Variants in CDH2 observed in about 807,000 individuals in gnomAD.
The protein encoded by CDH2 is cadherin 2, also known as cadherin-2.
Under a neutral mutation model 92.0 loss-of-function variants are expected in CDH2, and 17 were observed. That is an observed-to-expected ratio of 0.18 (90% confidence interval 0.13 to 0.28). The LOEUF is 0.28. Among genes scored for constraint, CDH2 ranks in the 10% least tolerant of loss-of-function variants. The probability of loss-of-function intolerance (pLI) is 1.00; values close to 1 mark genes in which losing one functional copy is unlikely to be tolerated. For synonymous variants in CDH2, 419 were observed against 415.9 expected (o/e 1.01, Z -0.09); for missense variants, 862 against 1,133.1 (o/e 0.76, Z 3.44).
chr18:28,078,231 C>T (rs2014762021), intron 2 of CDH2, among the ~76,000 whole-genome samples: 1 of 152,106 alleles, frequency 6.6e-6, no homozygotes, highest in Non-Finnish European at 1.5e-5. Flanking sequence ...GGTTAACTGA[C>T]AGGATCCTCC....
In CDH2 at chr18:27,982,778, G is replaced by GA. The variant is rs138322287; in HGVS notation, c.2349+165dup. On this transcript the variant is annotated intron_variant, in intron 14 of 15. Coordinates refer to ENST00000269141, the MANE Select transcript of CDH2 (RefSeq NM_001792.5). Reference sequence around the variant, plus strand: ...TAAATACAATGACATTTGGTACTTTGAAAAAAAATTTGAGAAATATTCAAC... The same window carrying GA: ...TAAATACAATGACATTTGGTACTTTGAAAAAAAAATTTGAGAAATATTCAAC... Among the ~76,000 whole-genome samples, 3 of 147,206 alleles carry GA rather than the reference G, an allele frequency of 2.0e-5. No individual in the cohort carries two copies. In the East Asian group the frequency reaches 6.0e-4, roughly 29 times the overall value.
chr18:27,966,446 G>A (rs1020121227), intron 14 of CDH2, among the ~76,000 whole-genome samples: 19 of 152,260 alleles, frequency 1.2e-4, no homozygotes, highest in South Asian at 6.2e-4. Flanking sequence ...TCCCTATCTG[G>A]GAAGAGCCAT....
intron 6 of CDH2, among the ~76,000 whole-genome samples, chr18:27,939,203 T>C (rs941409607): frequency 6.6e-6 from 1 of 152,150 alleles, no homozygotes; most frequent in Non-Finnish European, 1.5e-5. Context: ...CAAGCACACA[T>C]GTTCTTCCAT....
At chr18:27,991,810 T>C (rs1567953234) in intron 9 of CDH2, among the ~76,000 whole-genome samples, 1 of 152,216 alleles carries the variant, frequency 6.6e-6, no homozygotes, top group Non-Finnish European at 1.5e-5. Flanking sequence ...ACTGGCACTT[T>C]AGCACATCTT....
At chr18:28,088,857 G>A (rs11564397) in intron 2 of CDH2, among the ~76,000 whole-genome samples, 24,644 of 152,090 alleles carry the variant, frequency 0.16, 2,307 homozygotes, top group East Asian at 0.3. Context: ...CATATCAGGA[G>A]AGAAAATACA....
intron 14 of CDH2, among the ~76,000 whole-genome samples, chr18:27,976,674 G>A (rs188487732): frequency 1.5e-4 from 23 of 152,278 alleles, no homozygotes; most frequent in East Asian, 7.7e-4. Flanking sequence ...TTTCAATAAC[G>A]AAATAATGTA....
intron 2 of CDH2, among the ~76,000 whole-genome samples, chr18:28,094,866 C>T (rs936101147): frequency 1.0e-4 from 14 of 134,046 alleles, no homozygotes; most frequent in Non-Finnish European, 4.7e-5. Context: ...AGAGACTTCA[C>T]ATTTTTAAAA....
intron 2 of CDH2, among the ~76,000 whole-genome samples, chr18:28,040,170 G>T (rs1265214850): frequency 2.6e-5 from 4 of 152,170 alleles, no homozygotes; most frequent in Non-Finnish European, 5.9e-5. Flanking sequence ...CCAAACAAGT[G>T]TGTGGCATGC....
intron 1 of CDH2, among the ~76,000 whole-genome samples, chr18:28,150,097 T>C (rs2016097768): frequency 6.6e-6 from 1 of 152,166 alleles, no homozygotes; most frequent in Non-Finnish European, 1.5e-5. Context: ...CAGTTTGCCA[T>C]ATAAAATGGA....
chr18:28,067,537 A>G (rs2014533429), intron 2 of CDH2, among the ~76,000 whole-genome samples: 1 of 152,216 alleles, frequency 6.6e-6, no homozygotes, highest in Non-Finnish European at 1.5e-5. Context: ...TTCAAGTTTC[A>G]TCCATGTAGT....
intron 2 of CDH2, among the ~76,000 whole-genome samples, chr18:28,081,003 G>C (rs1246938711): frequency 6.6e-6 from 1 of 152,144 alleles, no homozygotes; most frequent in Non-Finnish European, 1.5e-5. Context: ...TGAGCCCCTA[G>C]CTATGGGATC....
intron 2 of CDH2, among the ~76,000 whole-genome samples, chr18:28,096,798 G>A (rs534553687): frequency 5.5e-4 from 84 of 152,266 alleles, no homozygotes; most frequent in Middle Eastern, 3.4e-3. Flanking sequence ...GAAATGCCAC[G>A]TGCACTTTGT....
chr18:28,002,248 A>G (rs183286791), intron 7 of CDH2, among the ~76,000 whole-genome samples: 1 of 152,304 alleles, frequency 6.6e-6, no homozygotes, highest in Admixed American at 6.5e-5. Context: ...AGGGGATCAC[A>G]TGTACAAAAA....
At chr18:28,162,095 T>A (rs2016314843) in intron 1 of CDH2, among the ~76,000 whole-genome samples, 1 of 152,236 alleles carries the variant, frequency 6.6e-6, no homozygotes, top group African/African-American at 2.4e-5. Flanking sequence ...TTCTTTTGTC[T>A]TATTTGTCCA....
At chr18:28,052,537 C>T (rs150177139) in intron 2 of CDH2, among the ~76,000 whole-genome samples, 162 of 152,106 alleles carry the variant, frequency 1.1e-3, no homozygotes, top group African/African-American at 3.5e-3. Flanking sequence ...ATTTCAAAGA[C>T]GGCAAAGAAG....
chr18:28,036,730 T>G, intron 2 of CDH2: 1 of 590,102 alleles, frequency 1.7e-6, no homozygotes, highest in East Asian at 2.8e-5. Flanking sequence ...AGAGCCCTTA[T>G]TACATCTGAT....
At chr18:27,994,334 C>A (rs1433878879) in intron 7 of CDH2, among the ~76,000 whole-genome samples, 2 of 152,176 alleles carry the variant, frequency 1.3e-5, no homozygotes, top group African/African-American at 4.8e-5. Context: ...GCTTTAAGCA[C>A]AGACCTACAA....
downstream of CDH2, among the ~76,000 whole-genome samples, chr18:27,949,155 C>T (rs1909349929): frequency 6.6e-6 from 1 of 151,888 alleles, no homozygotes; most frequent in Non-Finnish European, 1.5e-5. Context: ...AGAAGGCGGC[C>T]CTGGCTGGAT....
At chr18:27,953,929 G>A (rs543887799) in intron 15 of CDH2, among the ~76,000 whole-genome samples, 25 of 152,164 alleles carry the variant, frequency 1.6e-4, no homozygotes, top group Admixed American at 7.9e-4. Flanking sequence ...AATAAGAAAC[G>A]ATGAAGATAT....
Sources: allele counts gnomAD v4.1 joint callset (sites outside exome capture counted in the v4.1 genomes callset), GRCh38; gene constraint gnomAD v4.1.1; transcripts MANE v1.5; gene names NCBI Gene and HGNC (gene_info 2026-07-23, HGNC 2026-07-21).